The following UNC79 variants were observed in gnomAD, a reference collection of about 807,000 sequenced individuals.
UNC79 encodes unc-79 subunit of NALCN channel complex, also known as protein unc-79 homolog.
Under a neutral mutation model 283.1 loss-of-function variants are expected in UNC79, and 37 were observed. The observed-to-expected ratio is 0.13, with a 90% CI of 0.10 to 0.17. The LOEUF (loss-of-function observed/expected upper bound fraction) is 0.17. Among genes scored for constraint, UNC79 ranks in the 10% least tolerant of loss-of-function variants. UNC79 has a pLI of 1.00. For synonymous variants in UNC79, 1,107 were observed against 1,200.2 expected (o/e 0.92, Z 1.61); for missense variants, 2,272 against 3,211.1 (o/e 0.71, Z 7.07).
chr14:93,576,885 C>T (rs2141679134), intron 17 of UNC79, among the ~76,000 whole-genome samples: 2 of 152,286 alleles, frequency 1.3e-5, no homozygotes, highest in East Asian at 3.9e-4. Context: ...GTGGCTTATG[C>T]CTCTAATCCC....
intron 1 of UNC79, among the ~76,000 whole-genome samples, chr14:93,398,126 G>C (rs1181563643): frequency 2.6e-5 from 4 of 152,098 alleles, no homozygotes; most frequent in African/African-American, 9.7e-5. Context: ...TGGTTGTGTA[G>C]TAGTACTTCA....
chr14:93,618,293 C>T (rs201024236), exon 29 of UNC79: 115 of 1,613,876 alleles, frequency 7.1e-5, no homozygotes, highest in South Asian at 1.2e-4. Flanking sequence ...AGCCCCATGC[C>T]ACGGCAGGAC....
chr14:93,658,229 A>G (rs558610189), intron 38 of UNC79, among the ~76,000 whole-genome samples: 3 of 152,286 alleles, frequency 2.0e-5, no homozygotes, highest in Non-Finnish European at 4.4e-5. Flanking sequence ...AACCTTCTAT[A>G]GTTTGTTTTC....
rs141262312 is a variant in UNC79 at position 93,633,589 on chromosome 14, A to C, written c.5716+2681A>C. Among the ~76,000 whole-genome samples, 219 of 152,198 alleles carry C rather than the reference A, an allele frequency of 1.4e-3. 2 individuals are homozygous for C. Among genetic ancestry groups the C allele is most frequent in the African/African-American group, 5.0e-3 (206 of 41,534 alleles). On this transcript the variant is annotated intron_variant, in intron 31 of 48. Transcript: ENST00000555664. ...AATAACCACAAGTTGTCAAATATAC[A>C]AGGTATTTGGGGTCATGCAGAAAAG...
chr14:93,360,655 G>A (rs2054201862), intron 1 of UNC79, among the ~76,000 whole-genome samples: 1 of 152,204 alleles, frequency 6.6e-6, no homozygotes, highest in Admixed American at 6.5e-5. Context: ...TATTCGGAGA[G>A]AACTTGATTT....
chr14:93,352,957 T>C (rs1258092595), intron 1 of UNC79, among the ~76,000 whole-genome samples: 1 of 152,254 alleles, frequency 6.6e-6, no homozygotes, highest in Admixed American at 6.5e-5. Context: ...TTATAGTTTA[T>C]GCACATATGC....
At chr14:93,482,454 C>T (rs572347869) in intron 4 of UNC79, among the ~76,000 whole-genome samples, 1 of 152,232 alleles carries the variant, frequency 6.6e-6, no homozygotes, top group Admixed American at 6.5e-5. Context: ...TAATGCCCTT[C>T]TGAAGGGATG....
At chr14:93,554,096 A>G (rs2062032506) in intron 14 of UNC79, among the ~76,000 whole-genome samples, 1 of 152,212 alleles carries the variant, frequency 6.6e-6, no homozygotes, top group South Asian at 2.1e-4. Flanking sequence ...TATGCCTGTA[A>G]TCCCAGCACT....
At chr14:93,674,152 G>C (rs532199353) in intron 41 of UNC79, among the ~76,000 whole-genome samples, 1 of 152,204 alleles carries the variant, frequency 6.6e-6, no homozygotes, top group South Asian at 2.1e-4. Flanking sequence ...GAGAGAAAGA[G>C]GTAAAAAAAC....
At chr14:93,372,204 A>C (rs2054466427) in intron 1 of UNC79, among the ~76,000 whole-genome samples, 1 of 152,226 alleles carries the variant, frequency 6.6e-6, no homozygotes, top group South Asian at 2.1e-4. Flanking sequence ...GTTCAAAATA[A>C]TAGCAACAAT....
At chr14:93,423,566 T>C (rs1368107390) in intron 1 of UNC79, among the ~76,000 whole-genome samples, 1 of 152,196 alleles carries the variant, frequency 6.6e-6, no homozygotes, top group East Asian at 1.9e-4. Flanking sequence ...TCCATACATC[T>C]ACAGTGAATT....
At chr14:93,514,858 T>C (rs2059983029) in intron 7 of UNC79, among the ~76,000 whole-genome samples, 2 of 152,208 alleles carry the variant, frequency 1.3e-5, no homozygotes, top group Non-Finnish European at 1.5e-5. Flanking sequence ...CTATGCCCAA[T>C]GTCTGAAACC....
At chr14:93,581,766 A>G (rs2063834832) in intron 19 of UNC79, among the ~76,000 whole-genome samples, 1 of 152,118 alleles carries the variant, frequency 6.6e-6, no homozygotes, top group Non-Finnish European at 1.5e-5. Context: ...TGCTGGGATT[A>G]TAGGCATGAG....
chr14:93,706,932 A>G (rs1371894793), downstream of UNC79: 2 of 1,612,444 alleles, frequency 1.2e-6, no homozygotes, highest in Non-Finnish European at 1.7e-6. Flanking sequence ...CAGTGTCAAC[A>G]CTCTGGTTTA....
At chr14:93,374,055 C>T (rs539546622) in intron 1 of UNC79, among the ~76,000 whole-genome samples, 9 of 152,122 alleles carry the variant, frequency 5.9e-5, no homozygotes, top group Non-Finnish European at 1.2e-4. Context: ...GGGCCCCAAG[C>T]ATAGACTTGT....
intron 35 of UNC79, among the ~76,000 whole-genome samples, chr14:93,651,773 C>T (rs1345502207): frequency 6.6e-6 from 1 of 151,856 alleles, no homozygotes; most frequent in African/African-American, 2.4e-5. Flanking sequence ...GAGTTTCGCT[C>T]TTGTTGCCCA....
chr14:93,592,903 C>T (rs917146469), intron 22 of UNC79, among the ~76,000 whole-genome samples: 1 of 152,182 alleles, frequency 6.6e-6, no homozygotes, highest in African/African-American at 2.4e-5. Flanking sequence ...CTCCCCATCT[C>T]ATAGCCCAAC....
chr14:93,502,564 A>G (rs2059347931), intron 7 of UNC79, among the ~76,000 whole-genome samples: 1 of 152,206 alleles, frequency 6.6e-6, no homozygotes, highest in African/African-American at 2.4e-5. Flanking sequence ...ATGTTGTTCT[A>G]TGCTTTTCTG....
Position 93,694,768 on chromosome 14 carries a change from A to C in UNC79, c.7548+356A>C, listed in dbSNP as rs139923665. 2.8e-3 allele frequency among the ~76,000 whole-genome samples: 423 copies of C among 152,284 alleles called. 3 individuals are homozygous for C. Among genetic ancestry groups the C allele is most frequent in the African/African-American group, 9.1e-3 (379 of 41,562 alleles). ...TTGTGTCTACCAAAAAACAAACAAA[A>C]AAAAAGGTAACACAAGTACTGAAAA... is the stretch of plus-strand genomic sequence containing the variant. On this transcript the variant is annotated intron_variant, in intron 47 of 48. Transcript: ENST00000555664.
Sources: gnomAD v4.1 joint callset for allele counts (sites outside exome capture counted in the v4.1 genomes callset) on GRCh38, gnomAD v4.1.1 for gene constraint, MANE v1.5 for transcripts, NCBI Gene and HGNC (gene_info 2026-07-23, HGNC 2026-07-21) for gene names.